Variants in SPAG1 observed in about 807,000 individuals in gnomAD.
SPAG1 encodes sperm-associated antigen 1.
SPAG1 carries 69 observed loss-of-function variants against 100.5 expected under a neutral mutation model. The ratio of observed to expected loss-of-function variants is 0.69; its 90% CI spans 0.57 to 0.84. SPAG1 has a LOEUF of 0.84. SPAG1 is among the 40% of genes least tolerant of loss of function. The pLI, the probability that SPAG1 is intolerant of heterozygous loss-of-function variation, is 0.00. For synonymous variants in SPAG1, 336 were observed against 411.6 expected (o/e 0.82, Z 2.22); for missense variants, 955 against 1,133.1 (o/e 0.84, Z 2.26).
intron 4 of SPAG1, among the ~76,000 whole-genome samples, chr8:100,179,398 C>T (rs1816270386): frequency 1.3e-5 from 2 of 151,998 alleles, no homozygotes; most frequent in African/African-American, 2.4e-5. Flanking sequence ...ATAATAATAA[C>T]AATAATAATA....
At chr8:100,181,711 A>G (rs1293933882) in intron 4 of SPAG1, among the ~76,000 whole-genome samples, 1 of 152,064 alleles carries the variant, frequency 6.6e-6, no homozygotes, top group African/African-American at 2.4e-5. Flanking sequence ...GCTTCCTTCT[A>G]TTGGAACTTC....
At chr8:100,201,155 G>A (rs1445489321) in intron 10 of SPAG1, among the ~76,000 whole-genome samples, 6 of 151,028 alleles carry the variant, frequency 4.0e-5, no homozygotes, top group Non-Finnish European at 8.8e-5. Context: ...TTACTCTGTT[G>A]CCCAGACTGA....
intron 15 of SPAG1, among the ~76,000 whole-genome samples, chr8:100,232,131 T>C (rs1818801112): frequency 6.6e-6 from 1 of 152,138 alleles, no homozygotes; most frequent in Admixed American, 6.5e-5. Context: ...TGATAGAATA[T>C]TGGACAAAAG....
intron 3 of SPAG1, among the ~76,000 whole-genome samples, chr8:100,168,210 G>A (rs1815650375): frequency 6.6e-6 from 1 of 152,186 alleles, no homozygotes; most frequent in East Asian, 1.9e-4. Context: ...TTTACATCCT[G>A]GTCAGCACAT....
At chr8:100,171,277 A>G (rs1008713101) in intron 3 of SPAG1, among the ~76,000 whole-genome samples, 5 of 152,350 alleles carry the variant, frequency 3.3e-5, no homozygotes, top group African/African-American at 1.2e-4. Context: ...GTCTATGATC[A>G]TGAGAGATAT....
Position 100,233,492 on chromosome 8 carries a change from C to G in SPAG1, c.2070C>G (p.Asn690Lys), listed in dbSNP as rs527494331. 1.2e-6 allele frequency: 2 copies of G among 1,613,884 alleles called. No individual in the cohort carries two copies. Residue 690 changes from asparagine to lysine, a missense_variant, in exon 16 of 19, where the codon AAC (asparagine) becomes AAG (lysine). Physicochemically the swap from Asn to Lys is moderately conservative, Grantham distance 94. Transcript: ENST00000388798. Reference protein sequence around the residue: ...CDQALQLADGNVKAFYRRALA... With the variant: ...CDQALQLADGKVKAFYRRALA... The stretch of plus-strand genomic sequence containing the variant: ...AGGCACTTCAGCTAGCTGATGGGAA[C>G]GTGAAAGCCTTCTATAGACGAGCTC...
Position 100,213,811 on chromosome 8 carries a change from A to T in SPAG1, c.1436-8A>T. The T allele has an allele frequency of 6.7e-7, 1 of 1,498,724 alleles. No individual in the cohort carries two copies. The highest frequency in any genetic ancestry group is 9.2e-7 in the Non-Finnish European group (1 of 1,081,948). The allele number at this position is 1,498,724 out of a possible 1,614,324, so 92.8% of individuals were successfully genotyped here. ...TTTTAACTGTATTTAATTAAATGTG[A>T]TTTTTAGGAAGTGAAATTGCAGATG... On this transcript the variant is annotated splice_polypyrimidine_tract_variant and splice_region_variant and intron_variant, in intron 11 of 18. Coordinates refer to ENST00000388798, the MANE Select transcript of SPAG1 (RefSeq NM_003114.5).
intron 13 of SPAG1, among the ~76,000 whole-genome samples, chr8:100,221,191 T>C (rs1818261249): frequency 6.6e-6 from 1 of 152,250 alleles, no homozygotes; most frequent in Non-Finnish European, 1.5e-5. Context: ...CAGGTGTTCA[T>C]TGGCACCATA....
At chr8:100,231,470 A>G (rs1563813709) in intron 15 of SPAG1, among the ~76,000 whole-genome samples, 182 bp downstream of exon 15, 1 of 152,166 alleles carries the variant, frequency 6.6e-6, no homozygotes, top group Admixed American at 6.5e-5. Flanking sequence ...TGGGAGTTCT[A>G]CAGAGACTGG....
intron 13 of SPAG1, among the ~76,000 whole-genome samples, chr8:100,224,279 G>T (rs1448182643): frequency 1.3e-5 from 2 of 152,128 alleles, no homozygotes; most frequent in African/African-American, 4.8e-5. Flanking sequence ...GCTGGGTGCG[G>T]TGGCTCACGC....
chr8:100,176,554 G>A (rs945882185), intron 3 of SPAG1, among the ~76,000 whole-genome samples: 60 of 151,878 alleles, frequency 4.0e-4, no homozygotes, highest in Non-Finnish European at 5.2e-4. Flanking sequence ...TAGTAGAGAC[G>A]GGGTTTCACC....
chr8:100,234,512 A>G (rs1034454376), intron 16 of SPAG1, among the ~76,000 whole-genome samples: 3 of 152,246 alleles, frequency 2.0e-5, no homozygotes, highest in African/African-American at 7.2e-5. Flanking sequence ...CATAAATCAT[A>G]TAGAATGGAC....
At chr8:100,220,490 C>T in intron 13 of SPAG1, 59 bp downstream of exon 13, 1 of 1,405,392 alleles carries the variant, frequency 7.1e-7, no homozygotes, top group Non-Finnish European at 9.7e-7. Context: ...TTTCCCTTCC[C>T]CTCCTTCAAG....
intron 10 of SPAG1, among the ~76,000 whole-genome samples, chr8:100,212,493 A>T (rs1330133591): frequency 6.6e-6 from 1 of 152,222 alleles, no homozygotes; most frequent in Non-Finnish European, 1.5e-5. Flanking sequence ...AATCAAAGAA[A>T]TTTTTAGTTT....
intron 14 of SPAG1, among the ~76,000 whole-genome samples, chr8:100,225,610 C>G (rs1233625197): frequency 6.6e-6 from 1 of 151,772 alleles, no homozygotes; most frequent in African/African-American, 2.4e-5. Flanking sequence ...AGGCATGTAC[C>G]ACCACACCTG....
Position 100,162,331 on chromosome 8 carries a change from A to C in SPAG1, c.51A>C (p.Thr17=). 1.2e-6 allele frequency: 2 copies of C among 1,605,212 alleles called. No individual in the cohort carries two copies. Among genetic ancestry groups the C allele is most frequent in the Non-Finnish European group, 1.7e-6 (2 of 1,176,638 alleles). The change falls in exon 2 of 19, where the codon ACA becomes ACC. Residue 17 remains threonine, a synonymous_variant. Transcript: ENST00000388798. ...TGTGGGGCTTTGGAACAACAAAAACATTCAAAATTCCCATTGAACATCTAG... is the reference window on the plus strand; with the variant it reads ...TGTGGGGCTTTGGAACAACAAAAACCTTCAAAATTCCCATTGAACATCTAG... ...PSLWGFGTTK[T]FKIPIEHLDF...
chr8:100,230,733 C>G (rs559628468), intron 14 of SPAG1, among the ~76,000 whole-genome samples: 2 of 152,164 alleles, frequency 1.3e-5, no homozygotes, highest in South Asian at 4.1e-4. Flanking sequence ...AAGCACTTCT[C>G]CTGCCTCAGC....
In SPAG1 at chr8:100,240,589, G is replaced by A. The variant is rs763384873; in HGVS notation, c.2467G>A (p.Glu823Lys). The change falls in exon 18 of 19, where the codon GAA becomes AAA. Residue 823 changes from glutamate (E) to lysine (K), a missense_variant. Physicochemically the swap from Glu to Lys is moderately conservative, Grantham distance 56. Coordinates refer to ENST00000388798, the MANE Select transcript of SPAG1 (RefSeq NM_003114.5). ...INALSTRKDK[E>K]ACAHLLAITA... ...TGCTCTCAGTACCAGGAAGGATAAA[G>A]AAGCCTGTGCACATCTTTTAGCCAT... 1 of 1,614,114 alleles carries A rather than the reference G, an allele frequency of 6.2e-7. No individual in the cohort carries two copies. Among genetic ancestry groups the A allele is most frequent in the South Asian group, 1.1e-5 (1 of 91,074 alleles).
At chr8:100,219,979 C>A (rs1232826346) in intron 12 of SPAG1, among the ~76,000 whole-genome samples, 1 of 152,196 alleles carries the variant, frequency 6.6e-6, no homozygotes, top group Non-Finnish European at 1.5e-5. Flanking sequence ...CTGCTGTGTG[C>A]CTTGTGCCAT....
Sources: gnomAD v4.1 joint callset for allele counts (sites outside exome capture counted in the v4.1 genomes callset) on GRCh38, gnomAD v4.1.1 for gene constraint, MANE v1.5 for transcripts, NCBI Gene and HGNC (gene_info 2026-07-23, HGNC 2026-07-21) for gene names.